The following LRPAP1 variants were observed in gnomAD, a reference collection of about 807,000 sequenced individuals.
LRPAP1 encodes the protein LDL receptor related protein associated protein 1, also known as alpha-2-macroglobulin receptor-associated protein.
LRPAP1 carries 41 observed loss-of-function variants against 39.9 expected under a neutral mutation model. That is an observed-to-expected ratio of 1.03 (90% CI 0.80 to 1.33). The LOEUF is 1.33. Among genes scored for constraint, LRPAP1 ranks in the 40% most tolerant of loss-of-function variants. LRPAP1 has a pLI of 0.00. For synonymous variants in LRPAP1, 263 were observed against 212.7 expected, an observed-to-expected ratio of 1.24 and a Z score of -2.06; for missense variants, 565 against 482.3, an observed-to-expected ratio of 1.17 and a Z score of -1.61.
intron 2 of LRPAP1, among the ~76,000 whole-genome samples, chr4:3,524,543 C>A (rs1026866268): frequency 6.6e-6 from 1 of 152,246 alleles, no homozygotes; most frequent in Non-Finnish European, 1.5e-5. Context: ...CGGCCAAGGG[C>A]GCATCTGTGC....
chr4:3,529,318 G>A (rs1730174717), intron 1 of LRPAP1, among the ~76,000 whole-genome samples: 1 of 151,798 alleles, frequency 6.6e-6, no homozygotes, highest in African/African-American at 2.4e-5. Flanking sequence ...GTGAGACTCT[G>A]TCTCAAAAAA....
Position 3,513,044 on chromosome 4 carries a change from C to T in LRPAP1, c.1012-8G>A, listed in dbSNP as rs376456748. On this transcript the variant is annotated splice_polypyrimidine_tract_variant and splice_region_variant and intron_variant, in intron 7 of 7. Transcript: ENST00000650182. ...CTGCAGATGCTTCTTCACCTGTGGA[C>T]AGAAACGTCTCATCAGCTGGGGACA... 3.1e-6 allele frequency: 5 copies of T among 1,610,640 alleles called. No individual in the cohort carries two copies. The African/African-American group carries it at 6.7e-5, about 22-fold the overall frequency.
chr4:3,514,918 T>C lies in LRPAP1; in HGVS notation c.845A>G (p.Lys282Arg), dbSNP rs1278160616. The C allele has an allele frequency of 2.5e-6, 4 of 1,613,698 alleles. No homozygotes were observed. The highest frequency in any genetic ancestry group is 2.5e-6 in the Non-Finnish European group (3 of 1,179,842). The change falls in exon 7 of 8, where the codon AAG becomes AGG. Residue 282 changes from lysine (K) to arginine (R), a missense_variant. By Grantham distance (26) the Lys-to-Arg change is conservative (BLOSUM62 2). Coordinates refer to ENST00000650182, the MANE Select transcript of LRPAP1 (RefSeq NM_002337.4). ...CTTCTCGATTTTGGCTTCGAAGTGC[T>C]TGAGCTCCTCCTGGAACAAGGTTTC... ...KELEAFREEL[K>R]HFEAKIEKHN...
chr4:3,532,059 T>G, intron 1 of LRPAP1, 150 bp downstream of exon 1: 1 of 859,294 alleles, frequency 1.2e-6, no homozygotes, highest in East Asian at 2.8e-5. Context: ...ACCTGACACT[T>G]GGGGGAGGCT....
chr4:3,506,563 G>C lies in LRPAP1; in HGVS notation c.*6411C>G, dbSNP rs1414887169. On this transcript the variant is annotated 3_prime_UTR_variant, in exon 8 of 8. Transcript: ENST00000650182. Reference sequence around the variant, plus strand: ...AATTTTTTATTTTTAGTAGAGATGGGGTTTCACCATGTTGGCCAGGCTGGT... The same window carrying C: ...AATTTTTTATTTTTAGTAGAGATGGCGTTTCACCATGTTGGCCAGGCTGGT... 1.3e-5 allele frequency: 2 copies of C among 150,922 alleles called. No homozygotes were observed. The highest frequency in any genetic ancestry group is 2.9e-5 in the Non-Finnish European group (2 of 67,912). 9.3% of individuals were successfully genotyped at this position (150,922 alleles called of 1,614,324 possible). A position where few individuals can be genotyped will look rare whatever the true frequency, so the allele number is the denominator to read the frequency against.
At chr4:3,519,210 G>A (rs1729830606) in intron 3 of LRPAP1, among the ~76,000 whole-genome samples, 1 of 152,206 alleles carries the variant, frequency 6.6e-6, no homozygotes, top group African/African-American at 2.4e-5. Context: ...CTCAACAGGG[G>A]ACAGCTACCG....
rs1729395630 is a variant in LRPAP1, at chr4:3,507,743, A to G, written c.*5231T>C. ...TAAGAAAAGAGCAAAAGTCAATGAA[A>G]AAGAAAACAATAGAAAAAAAAAATC... On this transcript the variant is annotated 3_prime_UTR_variant, in exon 8 of 8. Transcript: ENST00000650182. 1 of 148,558 alleles carries G rather than the reference A, an allele frequency of 6.7e-6. No individual in the cohort carries two copies. The highest frequency in any genetic ancestry group is 2.4e-5 in the African/African-American group (1 of 41,084). The allele number at this position is 148,558 out of a possible 1,614,324, so 9.2% of individuals were successfully genotyped here.
chr4:3,513,964 G>A (rs1729614084), intron 7 of LRPAP1, among the ~76,000 whole-genome samples: 1 of 152,258 alleles, frequency 6.6e-6, no homozygotes, highest in Non-Finnish European at 1.5e-5. Context: ...GTGCCACACG[G>A]CTTTCTTAAC....
chr4:3,529,810 T>A (rs1197827428), intron 1 of LRPAP1, among the ~76,000 whole-genome samples: 1 of 152,198 alleles, frequency 6.6e-6, no homozygotes, highest in African/African-American at 2.4e-5. Flanking sequence ...CTTCACCCTA[T>A]GCCTACTGAC....
chr4:3,517,985 C>G, intron 5 of LRPAP1, 49 bp downstream of exon 5: 1 of 1,544,768 alleles, frequency 6.5e-7, no homozygotes. Context: ...AAAACACAAC[C>G]AGAGACGGCC....
Position 3,505,096 on chromosome 4 carries a change from T to C in LRPAP1, c.*7878A>G, listed in dbSNP as rs569247522. ...ATGTGCCCTACCATGCACGCAGCCA[T>C]GGTGGCCCGGGTCCTGCCACGCACG... On this transcript the variant is annotated 3_prime_UTR_variant, in exon 8 of 8. Coordinates refer to ENST00000650182, the MANE Select transcript of LRPAP1 (RefSeq NM_002337.4). Among the ~76,000 whole-genome samples, 97 of 152,230 alleles carry C rather than the reference T, an allele frequency of 6.4e-4. No individual in the cohort carries two copies. The highest frequency in any genetic ancestry group is 2.2e-3 in the African/African-American group (91 of 41,536).
rs924994111 is a variant in LRPAP1 at position 3,519,959 on chromosome 4, C to T, written c.471+113G>A. On this transcript the variant is annotated intron_variant, in intron 3 of 7. Coordinates refer to ENST00000650182, the MANE Select transcript of LRPAP1 (RefSeq NM_002337.4). ...TTAGGAAGCCACCGTCTTCCTGAGA[C>T]TTTCCCAAACCCCGGCTCCCATGCA... The T allele has an allele frequency of 5.2e-6, 7 of 1,346,718 alleles. No individual in the cohort carries two copies. The African/African-American group carries it at 7.2e-5, about 14-fold the overall frequency. 83.4% of individuals were successfully genotyped at this position (1,346,718 alleles called of 1,614,324 possible).
At chr4:3,525,708 G>T (rs569464598) in intron 1 of LRPAP1, among the ~76,000 whole-genome samples, 3 of 152,118 alleles carry the variant, frequency 2.0e-5, no homozygotes, top group Non-Finnish European at 4.4e-5. Context: ...ATCCCTCTCC[G>T]CAGGGCAGGC....
At chr4:3,517,480 G>C (rs1007845659) in intron 5 of LRPAP1, among the ~76,000 whole-genome samples, 2 of 152,248 alleles carry the variant, frequency 1.3e-5, no homozygotes, top group African/African-American at 2.4e-5. Flanking sequence ...CGTGAGTGAG[G>C]CCAGCAGGCT....
chr4:3,529,163 A>T (rs1483081619), intron 1 of LRPAP1, among the ~76,000 whole-genome samples: 1 of 152,014 alleles, frequency 6.6e-6, no homozygotes, highest in African/African-American at 2.4e-5. Context: ...TCTCTACTAA[A>T]AATATAAAAA....
chr4:3,521,470 C>A (rs1577208135), intron 2 of LRPAP1, among the ~76,000 whole-genome samples: 1 of 152,194 alleles, frequency 6.6e-6, no homozygotes, highest in Admixed American at 6.5e-5. Flanking sequence ...CGCACCTCTC[C>A]CAAAGGTCCA....
Position 3,518,002 on chromosome 4 carries a change from T to C in LRPAP1, c.751+32A>G, listed in dbSNP as rs753265143. 12 of 1,565,576 alleles carry C rather than the reference T, an allele frequency of 7.7e-6. 1 individual carries two copies. The highest frequency in any genetic ancestry group is 2.6e-6 in the Non-Finnish European group (3 of 1,157,640). On this transcript the variant is annotated intron_variant, in intron 5 of 7. Transcript: ENST00000650182. ...AACACAACCAGAGACGGCCCCACCC[T>C]CGGGAACCAACAGTCCCGGGCGGGC... is the stretch of plus-strand genomic sequence containing the variant.
chr4:3,515,508 G>A (rs997418623), intron 6 of LRPAP1, among the ~76,000 whole-genome samples: 4 of 152,126 alleles, frequency 2.6e-5, no homozygotes, highest in African/African-American at 9.7e-5. Context: ...GTCCTATGAG[G>A]GCAGGACCAC....
chr4:3,519,001 A>G lies in LRPAP1; in HGVS notation c.472-10T>C. 6.2e-7 allele frequency: 1 copy of G among 1,612,574 alleles called. No individual in the cohort carries two copies. Among genetic ancestry groups the G allele is most frequent in the Non-Finnish European group, 8.5e-7 (1 of 1,179,110 alleles). ...TCCCAGAGGTCTTCGCCTAAGAGGG[A>G]AACAAGGCCTGGAGTGAACCCGCCG... On this transcript the variant is annotated splice_polypyrimidine_tract_variant and intron_variant, in intron 3 of 7. Coordinates refer to ENST00000650182, the MANE Select transcript of LRPAP1 (RefSeq NM_002337.4).
Sources: gnomAD v4.1 joint callset for allele counts (sites outside exome capture counted in the v4.1 genomes callset) on GRCh38, gnomAD v4.1.1 for gene constraint, MANE v1.5 for transcripts, NCBI Gene and HGNC (gene_info 2026-07-23, HGNC 2026-07-21) for gene names.